Variants in LRRIQ1 observed in about 807,000 individuals in gnomAD.
LRRIQ1 encodes leucine-rich repeat- and IQ domain-containing protein 1.
In LRRIQ1, 210 loss-of-function variants were observed where a neutral mutation model predicts 211.9. That is an observed-to-expected ratio of 0.99 (90% CI 0.89 to 1.11). The LOEUF (loss-of-function observed/expected upper bound fraction) is 1.11. Ranked by LOEUF, LRRIQ1 falls within the 50% of genes most tolerant of loss-of-function variation. The probability of loss-of-function intolerance (pLI) is 0.00; values close to 1 mark genes in which losing one functional copy is unlikely to be tolerated. For synonymous variants in LRRIQ1, 699 were observed against 650.1 expected (o/e 1.08, Z -1.14); for missense variants, 2,136 against 1,939.5 (o/e 1.10, Z -1.90).
At chr12:85,213,164 A>C (rs1471123490) in intron 24 of LRRIQ1, among the ~76,000 whole-genome samples, 1 of 151,730 alleles carries the variant, frequency 6.6e-6, no homozygotes, top group African/African-American at 2.4e-5. Flanking sequence ...TGCCACAAAA[A>C]CTCTAACAAC....
At chr12:85,222,739 C>A (rs958249205) in intron 24 of LRRIQ1, among the ~76,000 whole-genome samples, 6 of 152,058 alleles carry the variant, frequency 3.9e-5, no homozygotes, top group Non-Finnish European at 8.8e-5. Flanking sequence ...AAACTGATGG[C>A]AAGGTATTCT....
At chr12:85,187,605 G>A (rs577711343) in intron 24 of LRRIQ1, among the ~76,000 whole-genome samples, 2 of 151,816 alleles carry the variant, frequency 1.3e-5, no homozygotes, top group African/African-American at 4.8e-5. Context: ...TCAGGAGTTC[G>A]AGACCAGCTT....
intron 11 of LRRIQ1, among the ~76,000 whole-genome samples, chr12:85,081,038 A>C (rs1220341143): frequency 6.6e-6 from 1 of 152,102 alleles, no homozygotes; most frequent in Non-Finnish European, 1.5e-5. Flanking sequence ...TTTGAAGTTT[A>C]GCTTCAGGCC....
Position 85,229,502 on chromosome 12 carries a change from A to T in LRRIQ1, c.4823-15A>T. 2 of 1,590,206 alleles carry T rather than the reference A, an allele frequency of 1.3e-6. No individual in the cohort carries two copies. Among genetic ancestry groups the T allele is most frequent in the South Asian group, 1.2e-5 (1 of 86,498 alleles). ...TCTTTAAATAATAAGTACACGTTCCATATTTCTTTCACAGGTATAGAAGAA... is the reference window on the plus strand; with the variant it reads ...TCTTTAAATAATAAGTACACGTTCCTTATTTCTTTCACAGGTATAGAAGAA... On this transcript the variant is annotated splice_polypyrimidine_tract_variant and intron_variant, in intron 24 of 26. Coordinates refer to ENST00000393217, the MANE Select transcript of LRRIQ1 (RefSeq NM_001079910.2).
At chr12:85,221,156 C>G (rs1304952782) in intron 24 of LRRIQ1, among the ~76,000 whole-genome samples, 1 of 151,824 alleles carries the variant, frequency 6.6e-6, no homozygotes, top group African/African-American at 2.4e-5. Context: ...AATTTTTATC[C>G]CAATCTAATC....
intron 3 of LRRIQ1, 29 bp downstream of exon 3, chr12:85,040,630 A>T: frequency 7.4e-7 from 1 of 1,348,292 alleles, no homozygotes; most frequent in Non-Finnish European, 1.0e-6. Flanking sequence ...TGTCTGGCAG[A>T]TAAGCTTTCT....
At chr12:85,160,825 T>G in intron 24 of LRRIQ1, 111 bp downstream of exon 24, 1 of 454,740 alleles carries the variant, frequency 2.2e-6, no homozygotes, top group Non-Finnish European at 3.6e-6. Flanking sequence ...ATATAAAGAA[T>G]TATGTATAAC....
chr12:85,117,867 C>A (rs1239245814), intron 15 of LRRIQ1, among the ~76,000 whole-genome samples: 1 of 152,120 alleles, frequency 6.6e-6, no homozygotes, highest in Non-Finnish European at 1.5e-5. Flanking sequence ...GCATCACAGT[C>A]ATGCCTTTAA....
chr12:85,047,089 C>T (rs1026069960), intron 5 of LRRIQ1, among the ~76,000 whole-genome samples, 158 bp from the exon 6 acceptor site: 6 of 151,886 alleles, frequency 4.0e-5, no homozygotes. Context: ...CAACATGGCA[C>T]ATGTATACAT....
At position 85,160,717 on chromosome 12, in the gene LRRIQ1, A is replaced by G. The variant is rs1411829036; in HGVS notation, c.4822+3A>G. On this transcript the variant is annotated splice_donor_region_variant and intron_variant, in intron 24 of 26. Coordinates refer to ENST00000393217, the MANE Select transcript of LRRIQ1 (RefSeq NM_001079910.2). ...CAGAAGAGATGGTTACTTTGAAGGT[A>G]TGGCTTAATAACAGATACATAGAGA... 1.3e-6 allele frequency: 2 copies of G among 1,535,668 alleles called. No homozygotes were observed. Among genetic ancestry groups the G allele is most frequent in the Non-Finnish European group, 9.0e-7 (1 of 1,115,356 alleles).
chr12:85,036,526 G>C (rs1173819680), intron 1 of LRRIQ1, 119 bp downstream of exon 1: 1 of 152,274 alleles, frequency 6.6e-6, no homozygotes, highest in African/African-American at 2.4e-5. Flanking sequence ...GAGACCGCGG[G>C]TCAGGGGATG....
chr12:85,052,006 C>G (rs1340866768), intron 6 of LRRIQ1, among the ~76,000 whole-genome samples, 171 bp from the exon 7 acceptor site: 1 of 152,108 alleles, frequency 6.6e-6, no homozygotes, highest in Non-Finnish European at 1.5e-5. Context: ...TATTATGTGA[C>G]ACTTCAGTTT....
Position 85,236,830 on chromosome 12 carries a change from CATATAT to C in LRRIQ1, c.5016+4095_5016+4100del, listed in dbSNP as rs60371759. Among the ~76,000 whole-genome samples, 329 of 108,800 alleles carry C rather than the reference CATATAT, an allele frequency of 3.0e-3. 4 individuals carry two copies. The highest frequency in any genetic ancestry group is 4.5e-3 in the Middle Eastern group (1 of 222). 71.4% of individuals were successfully genotyped at this position (108,800 alleles called of 152,430 possible). A position where few individuals can be genotyped will look rare whatever the true frequency, so the allele number is the denominator to read the frequency against. ...CTGGATATATGTATGTGTATGTGTGCATATATATATATATATATATATATATCTCCC... is the reference window on the plus strand; with the variant it reads ...CTGGATATATGTATGTGTATGTGTGCATATATATATATATATATATCTCCC... On this transcript the variant is annotated intron_variant, in intron 26 of 26. Transcript: ENST00000393217.
intron 26 of LRRIQ1, among the ~76,000 whole-genome samples, chr12:85,244,410 A>G (rs1007959595): frequency 2.0e-5 from 3 of 151,614 alleles, no homozygotes; most frequent in African/African-American, 4.8e-5. Flanking sequence ...TAATTTTTGC[A>G]AAAAATAACC....
intron 24 of LRRIQ1, among the ~76,000 whole-genome samples, chr12:85,176,801 T>C (rs1211871141): frequency 6.6e-6 from 1 of 152,128 alleles, no homozygotes; most frequent in Admixed American, 6.6e-5. Context: ...ATAATATTTA[T>C]AGTCATGGTA....
chr12:85,200,661 T>G (rs1194144897), intron 24 of LRRIQ1, among the ~76,000 whole-genome samples: 2 of 152,004 alleles, frequency 1.3e-5, no homozygotes, highest in African/African-American at 4.8e-5. Flanking sequence ...GAAGGGATGT[T>G]GGATTTTAGC....
intron 24 of LRRIQ1, among the ~76,000 whole-genome samples, chr12:85,167,454 A>G (rs1039614052): frequency 4.6e-5 from 7 of 152,068 alleles, no homozygotes; most frequent in African/African-American, 1.7e-4. Context: ...TGAAGGCCCA[A>G]GTGCCTCTTG....
chr12:85,226,134 C>T (rs1194587999), intron 24 of LRRIQ1, among the ~76,000 whole-genome samples: 1 of 152,088 alleles, frequency 6.6e-6, no homozygotes, highest in Non-Finnish European at 1.5e-5. Context: ...TGTAAAATTA[C>T]TTAGTGTTTA....
At chr12:85,170,838 G>A (rs1199085716) in intron 24 of LRRIQ1, among the ~76,000 whole-genome samples, 2 of 152,014 alleles carry the variant, frequency 1.3e-5, no homozygotes, top group East Asian at 3.9e-4. Context: ...AAAGAGCTGA[G>A]AAGCTGATAA....
Sources: allele counts gnomAD v4.1 joint callset (sites outside exome capture counted in the v4.1 genomes callset), GRCh38; gene constraint gnomAD v4.1.1; transcripts MANE v1.5; gene names NCBI Gene and HGNC (gene_info 2026-07-23, HGNC 2026-07-21).